Variants in ERC1 observed in about 807,000 individuals in gnomAD.
ERC1 encodes ELKS/RAB6-interacting/CAST family member 1.
In ERC1, 56 loss-of-function variants were observed where a neutral mutation model predicts 132.0. The ratio of observed to expected loss-of-function variants is 0.42; its 90% CI spans 0.34 to 0.53. The LOEUF is 0.53. Among genes scored for constraint, ERC1 ranks in the 20% least tolerant of loss-of-function variants. The pLI is 0.03. For missense variants in ERC1, 1,202 were observed against 1,349.9 expected (o/e 0.89, Z 1.72); for synonymous variants, 478 against 476.1 (o/e 1.00, Z -0.05).
At chr12:1,333,627 G>T (rs145077250) in intron 15 of ERC1, among the ~76,000 whole-genome samples, 1 of 151,956 alleles carries the variant, frequency 6.6e-6, no homozygotes, top group Non-Finnish European at 1.5e-5. Context: ...CACCGCACCC[G>T]GCCCCACATT....
chr12:1,333,747 A>G (rs1267963856), intron 15 of ERC1, among the ~76,000 whole-genome samples: 1 of 152,168 alleles, frequency 6.6e-6, no homozygotes, highest in African/African-American at 2.4e-5. Flanking sequence ...AGAACAATTT[A>G]TATTCCTTTT....
intron 1 of ERC1, among the ~76,000 whole-genome samples, chr12:1,012,157 C>T (rs1047063662): frequency 6.6e-6 from 1 of 152,100 alleles, no homozygotes; most frequent in Non-Finnish European, 1.5e-5. Context: ...TTTTCCTGTT[C>T]ATAGAATTAC....
At chr12:1,026,822 A>G (rs1022039599) in intron 1 of ERC1, among the ~76,000 whole-genome samples, 9 of 152,102 alleles carry the variant, frequency 5.9e-5, no homozygotes, top group African/African-American at 2.2e-4. Context: ...CATCTATTTT[A>G]AATTGTTTGG....
chr12:1,144,506 G>C (rs2968892), intron 8 of ERC1, among the ~76,000 whole-genome samples: 3,287 of 151,562 alleles, frequency 0.022, 110 homozygotes, highest in African/African-American at 0.074. Flanking sequence ...GCAATGTTTG[G>C]TTTTCCATTC....
intron 3 of ERC1, among the ~76,000 whole-genome samples, chr12:1,101,391 C>A (rs1944641340): frequency 1.3e-5 from 2 of 152,134 alleles, no homozygotes; most frequent in South Asian, 4.1e-4. Context: ...TGTGTTACGC[C>A]GACATCACTG....
At chr12:1,235,520 G>A (rs1483620759) in intron 12 of ERC1, among the ~76,000 whole-genome samples, 1 of 152,176 alleles carries the variant, frequency 6.6e-6, no homozygotes, top group Non-Finnish European at 1.5e-5. Context: ...TTTAAAAAGT[G>A]GAGAAAGACA....
At chr12:1,140,854 G>GT (rs771147415) in intron 7 of ERC1, among the ~76,000 whole-genome samples, 1 of 151,988 alleles carries the variant, frequency 6.6e-6, no homozygotes, top group Non-Finnish European at 1.5e-5. Flanking sequence ...CTCATTAATA[G>GT]TTTTTTATAT....
intron 13 of ERC1, among the ~76,000 whole-genome samples, chr12:1,256,380 G>T (rs1389106997): frequency 2.0e-5 from 3 of 146,708 alleles, no homozygotes; most frequent in African/African-American, 7.6e-5. Context: ...TCTTTATTCA[G>T]TGGGGGCCAA....
intron 12 of ERC1, among the ~76,000 whole-genome samples, chr12:1,220,930 C>A (rs1958924455): frequency 6.6e-6 from 1 of 152,198 alleles, no homozygotes; most frequent in Admixed American, 6.5e-5. Context: ...GGCTCACTCC[C>A]TTACTTCCTT....
intron 3 of ERC1, 85 bp from the exon 4 acceptor site, chr12:1,104,665 T>C (rs1312498636): frequency 2.2e-6 from 2 of 913,020 alleles, no homozygotes; most frequent in African/African-American, 3.3e-5. Context: ...TAGTGATCTT[T>C]TGCATACATC....
intron 2 of ERC1, among the ~76,000 whole-genome samples, chr12:1,054,606 A>G (rs1446398355): frequency 6.6e-6 from 1 of 152,044 alleles, no homozygotes; most frequent in Non-Finnish European, 1.5e-5. Context: ...CTGGGATGGC[A>G]TGCTTTGTGA....
At chr12:1,218,135 C>G (rs1958596681) in intron 12 of ERC1, among the ~76,000 whole-genome samples, 1 of 152,200 alleles carries the variant, frequency 6.6e-6, no homozygotes, top group Admixed American at 6.5e-5. Context: ...CTTGATATTT[C>G]TTTGAGAAAA....
intron 12 of ERC1, among the ~76,000 whole-genome samples, chr12:1,198,376 TAGAG>T (rs940366294): frequency 1.3e-5 from 2 of 152,198 alleles, no homozygotes; most frequent in African/African-American, 4.8e-5. Context: ...CCAACTCTAG[TAGAG>T]AGATACAGAA....
intron 12 of ERC1, among the ~76,000 whole-genome samples, chr12:1,235,055 G>A (rs980183589): frequency 6.6e-6 from 1 of 152,204 alleles, no homozygotes; most frequent in Non-Finnish European, 1.5e-5. Flanking sequence ...TAAAGGAGAA[G>A]ATTGATACAT....
intron 14 of ERC1, among the ~76,000 whole-genome samples, chr12:1,271,586 G>A (rs1230591826): frequency 6.6e-6 from 1 of 152,174 alleles, no homozygotes; most frequent in Non-Finnish European, 1.5e-5. Context: ...TTCTCGATAT[G>A]TTGTTCAGGC....
intron 18 of ERC1, among the ~76,000 whole-genome samples, chr12:1,485,201 C>CTCTTT (rs1555129709): frequency 1.0e-5 from 1 of 96,378 alleles, no homozygotes; most frequent in African/African-American, 4.4e-5. Context: ...GTTTATATTT[C>CTCTTT]TTTTTTTTTT....
intron 16 of ERC1, among the ~76,000 whole-genome samples, chr12:1,406,618 C>CT (rs1201277231): frequency 2.0e-5 from 3 of 152,080 alleles, no homozygotes; most frequent in African/African-American, 7.2e-5. Flanking sequence ...TTTCTTTTCT[C>CT]TTTTTTGTTT....
At chr12:1,367,951 C>CTTT (rs59027116) in intron 15 of ERC1, among the ~76,000 whole-genome samples, 45 of 118,522 alleles carry the variant, frequency 3.8e-4, no homozygotes, top group African/African-American at 9.2e-4. Flanking sequence ...CCACATTTTC[C>CTTT]TTTTTTTTTT....
chr12:1,280,577 T>C (rs1169180940), intron 14 of ERC1, among the ~76,000 whole-genome samples: 1 of 152,210 alleles, frequency 6.6e-6, no homozygotes, highest in African/African-American at 2.4e-5. Context: ...CTCACCTAGA[T>C]GGAAGAAATT....
Sources: allele counts gnomAD v4.1 joint callset (sites outside exome capture counted in the v4.1 genomes callset), GRCh38; gene constraint gnomAD v4.1.1; transcripts MANE v1.5; gene names NCBI Gene and HGNC (gene_info 2026-07-23, HGNC 2026-07-21).